Variants in JAM2 observed in about 807,000 individuals in gnomAD.
JAM2 encodes junctional adhesion molecule 2.
JAM2 carries 17 observed loss-of-function variants against 42.0 expected under a neutral mutation model. The ratio of observed to expected loss-of-function variants is 0.40; its 90% CI spans 0.28 to 0.61. The LOEUF (loss-of-function observed/expected upper bound fraction) is 0.61, where lower values mean the gene tolerates loss of function less well. JAM2 is among the 20% of genes least tolerant of loss of function. The pLI is 0.37. For missense variants in JAM2, 319 were observed against 358.3 expected, an observed-to-expected ratio of 0.89 and a Z score of 0.89; for synonymous variants, 118 against 128.6, an observed-to-expected ratio of 0.92 and a Z score of 0.56.
intron 1 of JAM2, among the ~76,000 whole-genome samples, chr21:25,681,625 T>TTGAATA (rs2033633596): frequency 6.6e-6 from 1 of 152,166 alleles, no homozygotes; most frequent in Non-Finnish European, 1.5e-5. Flanking sequence ...TGCTTTGCAT[T>TTGAATA]ATTCTGAGTT....
intron 1 of JAM2, among the ~76,000 whole-genome samples, chr21:25,651,987 A>G (rs971804218): frequency 2.0e-5 from 3 of 152,268 alleles, no homozygotes; most frequent in African/African-American, 7.2e-5. Context: ...CTTACTATGT[A>G]TAGCTTATTA....
intron 3 of JAM2, chr21:25,692,425 T>C (rs1174345979): frequency 9.8e-6 from 2 of 205,064 alleles, no homozygotes; most frequent in Non-Finnish European, 2.1e-5. Flanking sequence ...ATCTGGCATA[T>C]GGACTGACAG....
intron 1 of JAM2, among the ~76,000 whole-genome samples, chr21:25,648,002 G>C (rs535662547): frequency 1.1e-4 from 16 of 152,314 alleles, no homozygotes; most frequent in African/African-American, 3.6e-4. Context: ...CCTGAGGTCA[G>C]GAGTTTGAAA....
chr21:25,665,026 T>C (rs554739836), intron 1 of JAM2, among the ~76,000 whole-genome samples: 53 of 152,276 alleles, frequency 3.5e-4, no homozygotes, highest in Non-Finnish European at 5.6e-4. Context: ...TTCATCAACA[T>C]AGATTGAAGA....
At chr21:25,666,485 C>T (rs774259794) in intron 1 of JAM2, among the ~76,000 whole-genome samples, 11 of 151,988 alleles carry the variant, frequency 7.2e-5, no homozygotes, top group African/African-American at 2.2e-4. Context: ...CCACCACACC[C>T]GGCTAAGTTT....
intron 4 of JAM2, among the ~76,000 whole-genome samples, chr21:25,697,024 T>C (rs1456212551): frequency 2.0e-5 from 3 of 151,282 alleles, no homozygotes; most frequent in Non-Finnish European, 2.9e-5. Flanking sequence ...TTTTTTTTTT[T>C]TGTAGAGACA....
chr21:25,681,931 G>A (rs937464302), intron 1 of JAM2, among the ~76,000 whole-genome samples: 2 of 152,212 alleles, frequency 1.3e-5, no homozygotes, highest in Non-Finnish European at 2.9e-5. Flanking sequence ...GTAGTGAGCT[G>A]AGATTGTGCC....
intron 1 of JAM2, among the ~76,000 whole-genome samples, chr21:25,657,028 A>G (rs2032956287): frequency 6.6e-6 from 1 of 152,334 alleles, no homozygotes; most frequent in African/African-American, 2.4e-5. Flanking sequence ...CTTCTTTTAT[A>G]GAGCAGTTAT....
At chr21:25,713,045 G>A (rs1358705072) in intron 9 of JAM2, among the ~76,000 whole-genome samples, 1 of 152,114 alleles carries the variant, frequency 6.6e-6, no homozygotes, top group Non-Finnish European at 1.5e-5. Flanking sequence ...ATAGTAGCAG[G>A]GGCAAAACAA....
chr21:25,702,800 T>G (rs2034194415), intron 6 of JAM2, among the ~76,000 whole-genome samples: 1 of 152,210 alleles, frequency 6.6e-6, no homozygotes, highest in South Asian at 2.1e-4. Context: ...ATTGTTTTCT[T>G]TGTTTCCTTT....
At chr21:25,677,982 G>A (rs1419139483) in intron 1 of JAM2, among the ~76,000 whole-genome samples, 1 of 152,162 alleles carries the variant, frequency 6.6e-6, no homozygotes, top group Non-Finnish European at 1.5e-5. Context: ...GCCAGGCGCG[G>A]TGGCACTTTG....
At chr21:25,684,315 A>C (rs935081895) in intron 2 of JAM2, among the ~76,000 whole-genome samples, 1 of 152,232 alleles carries the variant, frequency 6.6e-6, no homozygotes, top group South Asian at 2.1e-4. Context: ...GGTGATGTTA[A>C]TATAGCTTAC....
intron 7 of JAM2, among the ~76,000 whole-genome samples, chr21:25,707,280 G>A (rs1385995746): frequency 1.3e-5 from 2 of 151,862 alleles, no homozygotes; most frequent in South Asian, 2.1e-4. Flanking sequence ...TCAGGAGTTC[G>A]AGACCAGCCT....
chr21:25,651,061 CAAA>C lies in JAM2; in HGVS notation c.67+11193_67+11195del, dbSNP rs35308745. ...TAAATAAAACCATACCTCCCCCCGC[CAAA>C]AAAAAAAAAAAAAAAAAAACAAAGT... On this transcript the variant is annotated intron_variant, in intron 1 of 9. Coordinates refer to ENST00000480456, the MANE Select transcript of JAM2 (RefSeq NM_021219.4). Among the ~76,000 whole-genome samples the C allele has an allele frequency of 5.5e-3, 390 of 71,056 alleles. 1 individual carries two copies. Among genetic ancestry groups the C allele is most frequent in the Non-Finnish European group, 7.8e-3 (289 of 37,014 alleles). 46.6% of individuals were successfully genotyped at this position (71,056 alleles called of 152,430 possible).
chr21:25,641,602 T>C (rs1568883170), intron 1 of JAM2, among the ~76,000 whole-genome samples: 1 of 152,144 alleles, frequency 6.6e-6, no homozygotes, highest in African/African-American at 2.4e-5. Flanking sequence ...GGTGTTTTTT[T>C]TTTTATGTTT....
At chr21:25,686,347 G>A (rs1601034305) in intron 2 of JAM2, among the ~76,000 whole-genome samples, 1 of 151,968 alleles carries the variant, frequency 6.6e-6, no homozygotes. Context: ...CTCTTCATAA[G>A]GCATAAATAC....
chr21:25,640,815 T>TTCTC (rs147248766), intron 1 of JAM2, among the ~76,000 whole-genome samples: 34,208 of 151,344 alleles, frequency 0.23, 5,057 homozygotes, highest in African/African-American at 0.42. Flanking sequence ...TCTTCTTTCT[T>TTCTC]TCTCTCTCTC....
In JAM2 at chr21:25,702,152, T is replaced by A; in HGVS notation, c.598-18T>A. Reference sequence around the variant, plus strand: ...AGATCTATGGCTTAAAAAAATATATTTTTGCATCCACAAATAGCAATTTAA... The same window carrying A: ...AGATCTATGGCTTAAAAAAATATATATTTGCATCCACAAATAGCAATTTAA... On this transcript the variant is annotated intron_variant, in intron 5 of 9. Transcript: ENST00000480456. The A allele has an allele frequency of 7.3e-7, 1 of 1,376,096 alleles. No homozygotes were observed. The highest frequency in any genetic ancestry group is 1.0e-6 in the Non-Finnish European group (1 of 984,986). The allele number at this position is 1,376,096 out of a possible 1,614,324, so 85.2% of individuals were successfully genotyped here. A position where few individuals can be genotyped will look rare whatever the true frequency, so the allele number is the denominator to read the frequency against.
At chr21:25,674,861 A>G (rs527701278) in intron 1 of JAM2, among the ~76,000 whole-genome samples, 9 of 151,918 alleles carry the variant, frequency 5.9e-5, no homozygotes, top group African/African-American at 1.9e-4. Context: ...GTTACTTTCT[A>G]TTAATATACA....
Sources: allele counts gnomAD v4.1 joint callset (sites outside exome capture counted in the v4.1 genomes callset), GRCh38; gene constraint gnomAD v4.1.1; transcripts MANE v1.5; gene names NCBI Gene and HGNC (gene_info 2026-07-23, HGNC 2026-07-21).